The following NDST4 variants were observed in gnomAD, a reference collection of about 807,000 sequenced individuals.
NDST4 encodes the protein N-heparan sulfate sulfotransferase 4.
A neutral mutation model predicts 100.8 loss-of-function variants in NDST4; 63 were observed. The observed-to-expected ratio is 0.62, with a 90% CI of 0.51 to 0.77. The LOEUF is 0.77. NDST4 is among the 30% of genes least tolerant of loss of function. The pLI is 0.00. For synonymous variants in NDST4, 377 were observed against 361.8 expected (o/e 1.04, Z -0.48); for missense variants, 943 against 1,018.4 (o/e 0.93, Z 1.01).
At chr4:114,895,014 A>G (rs542721762) in intron 6 of NDST4, among the ~76,000 whole-genome samples, 1 of 152,220 alleles carries the variant, frequency 6.6e-6, no homozygotes, top group South Asian at 2.1e-4. Flanking sequence ...TTATAGCACT[A>G]AATGCCCACA....
chr4:114,878,312 T>G (rs1004930450), intron 6 of NDST4, among the ~76,000 whole-genome samples: 1 of 152,202 alleles, frequency 6.6e-6, no homozygotes, highest in African/African-American at 2.4e-5. Flanking sequence ...TAATCCTAGT[T>G]GATGTTTTAA....
At chr4:115,098,777 G>A (rs1267921126) in intron 1 of NDST4, among the ~76,000 whole-genome samples, 1 of 152,120 alleles carries the variant, frequency 6.6e-6, no homozygotes, top group Non-Finnish European at 1.5e-5. Context: ...ATGGCTAACT[G>A]CAGCTTAGCC....
intron 4 of NDST4, among the ~76,000 whole-genome samples, chr4:114,958,183 C>G (rs1726180819): frequency 6.6e-6 from 1 of 152,218 alleles, no homozygotes; most frequent in Admixed American, 6.5e-5. Context: ...CAGCACACCT[C>G]AGCGTGGACA....
intron 2 of NDST4, among the ~76,000 whole-genome samples, chr4:115,040,948 C>T (rs1465209954): frequency 2.0e-5 from 3 of 152,010 alleles, no homozygotes; most frequent in Non-Finnish European, 4.4e-5. Flanking sequence ...TTCTAACACT[C>T]TGTTTTGAAA....
At chr4:115,013,370 T>TATATATATATATATATATAC (rs74678897) in intron 2 of NDST4, among the ~76,000 whole-genome samples, 3,898 of 70,498 alleles carry the variant, frequency 0.055, 372 homozygotes, top group Non-Finnish European at 0.091. Flanking sequence ...TATATATATA[T>TATATATATATATATATATAC]ACACACACAT....
At chr4:115,073,171 T>C (rs1560589822) in intron 2 of NDST4, among the ~76,000 whole-genome samples, 1 of 151,888 alleles carries the variant, frequency 6.6e-6, no homozygotes, top group African/African-American at 2.4e-5. Flanking sequence ...AGATAATAAG[T>C]GTTGGCAGGG....
intron 13 of NDST4, among the ~76,000 whole-genome samples, chr4:114,829,134 C>T (rs1207117211): frequency 6.6e-6 from 1 of 152,094 alleles, no homozygotes; most frequent in Non-Finnish European, 1.5e-5. Flanking sequence ...CTGCATCCCC[C>T]TTTGCCCACC....
intron 1 of NDST4, among the ~76,000 whole-genome samples, chr4:115,085,574 C>G (rs114765762): frequency 0.012 from 1,822 of 152,216 alleles, 35 homozygotes; most frequent in African/African-American, 0.041. Context: ...CCATGCTGCT[C>G]TCATGATACT....
At chr4:115,052,057 C>T (rs1042493683) in intron 2 of NDST4, among the ~76,000 whole-genome samples, 7 of 151,976 alleles carry the variant, frequency 4.6e-5, no homozygotes, top group African/African-American at 1.7e-4. Context: ...TTTCATATAC[C>T]TGTTAGTCAT....
chr4:114,951,032 G>C lies in NDST4; in HGVS notation c.1222-13529C>G, dbSNP rs1345082814. On this transcript the variant is annotated intron_variant, in intron 4 of 13. Transcript: ENST00000264363. ...TTGAGGAAAGGAAGAAAGGAAGTCAGGAAAGAAAAGAAGGGGAGAAGGAGG... is the reference window on the plus strand; with the variant it reads ...TTGAGGAAAGGAAGAAAGGAAGTCACGAAAGAAAAGAAGGGGAGAAGGAGG... Among the ~76,000 whole-genome samples the C allele has an allele frequency of 2.6e-5, 4 of 151,764 alleles. No individual in the cohort carries two copies. The East Asian group carries it at 7.8e-4, about 29-fold the overall frequency.
At chr4:114,874,100 GA>G (rs993609320) in intron 6 of NDST4, among the ~76,000 whole-genome samples, 8 of 151,426 alleles carry the variant, frequency 5.3e-5, no homozygotes, top group African/African-American at 1.5e-4. Context: ...AGATATTATT[GA>G]AAAAAAAGAA....
chr4:114,927,959 T>C lies in NDST4; in HGVS notation c.1536+7247A>G, dbSNP rs1157313553. Among the ~76,000 whole-genome samples the C allele has an allele frequency of 4.6e-5, 7 of 152,162 alleles. No individual in the cohort carries two copies. In the South Asian group the frequency reaches 1.2e-3, roughly 27 times the overall value. On this transcript the variant is annotated intron_variant, in intron 6 of 13. Coordinates refer to ENST00000264363, the MANE Select transcript of NDST4 (RefSeq NM_022569.3). ...AGAGAAAATGGTAGTCTCTGGATGA[T>C]TTCATGGATGTTGAACACTTCGCAC... is the stretch of plus-strand genomic sequence containing the variant.
At chr4:115,064,864 G>A (rs1728911900) in intron 2 of NDST4, among the ~76,000 whole-genome samples, 2 of 151,670 alleles carry the variant, frequency 1.3e-5, no homozygotes, top group Admixed American at 1.3e-4. Flanking sequence ...ATTTCTAAAT[G>A]TACACTGCCA....
chr4:114,856,665 A>C (rs1409823389), intron 7 of NDST4, among the ~76,000 whole-genome samples: 1 of 152,166 alleles, frequency 6.6e-6, no homozygotes, highest in Non-Finnish European at 1.5e-5. Flanking sequence ...TATTATATAG[A>C]CTAAAGGGAC....
intron 3 of NDST4, among the ~76,000 whole-genome samples, chr4:114,972,132 C>T (rs1361268060): frequency 1.3e-5 from 2 of 152,032 alleles, no homozygotes; most frequent in African/African-American, 4.8e-5. Flanking sequence ...AAATTTCTTA[C>T]AGTCAGGGAC....
chr4:114,973,506 G>GA (rs1382512399), intron 3 of NDST4, among the ~76,000 whole-genome samples: 7 of 151,446 alleles, frequency 4.6e-5, no homozygotes, highest in South Asian at 2.1e-4. Flanking sequence ...AATTATTAAT[G>GA]AAAAAAATAC....
chr4:114,845,062 G>T (rs901141915), intron 10 of NDST4, among the ~76,000 whole-genome samples: 2 of 152,182 alleles, frequency 1.3e-5, no homozygotes, highest in African/African-American at 4.8e-5. Context: ...GGGCTTGGTG[G>T]CTCATGCTTG....
intron 6 of NDST4, among the ~76,000 whole-genome samples, chr4:114,898,525 G>A (rs960864426): frequency 4.6e-5 from 7 of 152,092 alleles, no homozygotes; most frequent in African/African-American, 1.2e-4. Flanking sequence ...AATATTTTGT[G>A]GGTCTTTTTG....
At chr4:114,915,041 G>A (rs1444161323) in intron 6 of NDST4, among the ~76,000 whole-genome samples, 1 of 151,978 alleles carries the variant, frequency 6.6e-6, no homozygotes. Flanking sequence ...ATTAAAACAA[G>A]AAGAAAAAAT....
Sources: allele counts gnomAD v4.1 joint callset (sites outside exome capture counted in the v4.1 genomes callset), GRCh38; gene constraint gnomAD v4.1.1; transcripts MANE v1.5; gene names NCBI Gene and HGNC (gene_info 2026-07-23, HGNC 2026-07-21).